Variants in KCNIP1 observed in about 807,000 individuals in gnomAD.
The protein encoded by KCNIP1 is A-type potassium channel modulatory protein KCNIP1.
KCNIP1 carries 18 observed loss-of-function variants against 33.0 expected under a neutral mutation model. The ratio of observed to expected loss-of-function variants is 0.55; its 90% CI spans 0.38 to 0.81. The LOEUF is 0.81. Among genes scored for constraint, KCNIP1 ranks in the 30% least tolerant of loss-of-function variants. The pLI, the probability that KCNIP1 is intolerant of heterozygous loss-of-function variation, is 0.00. For missense variants in KCNIP1, 238 were observed against 271.6 expected, an observed-to-expected ratio of 0.88 and a Z score of 0.87; for synonymous variants, 93 against 98.3, an observed-to-expected ratio of 0.95 and a Z score of 0.32.
intron 1 of KCNIP1, among the ~76,000 whole-genome samples, chr5:170,626,005 A>G (rs1759806424): frequency 6.6e-6 from 1 of 152,164 alleles, no homozygotes; most frequent in South Asian, 2.1e-4. Context: ...CCCAAAGTAT[A>G]CTGAGCGATG....
At chr5:170,442,409 C>A (rs1424880029) in intron 1 of KCNIP1, among the ~76,000 whole-genome samples, 1 of 152,224 alleles carries the variant, frequency 6.6e-6, no homozygotes, top group East Asian at 1.9e-4. Context: ...CTGTCCTATT[C>A]TGAGCTTCAG....
At chr5:170,514,475 A>C (rs1286581784) in intron 1 of KCNIP1, among the ~76,000 whole-genome samples, 2 of 151,882 alleles carry the variant, frequency 1.3e-5, no homozygotes, top group Non-Finnish European at 2.9e-5. Context: ...GCTGATTAGG[A>C]CTCTAAGCCC....
chr5:170,557,515 T>C (rs1227153131), intron 1 of KCNIP1, among the ~76,000 whole-genome samples: 1 of 152,114 alleles, frequency 6.6e-6, no homozygotes, highest in Non-Finnish European at 1.5e-5. Context: ...CCAAGCTCTG[T>C]GCTTGGGGTC....
intron 1 of KCNIP1, among the ~76,000 whole-genome samples, chr5:170,448,380 C>G (rs545536932): frequency 2.6e-5 from 4 of 152,248 alleles, no homozygotes; most frequent in Non-Finnish European, 5.9e-5. Context: ...TGTCCTCTTA[C>G]GCCCACATCC....
chr5:170,600,294 C>T (rs1181244222), intron 1 of KCNIP1, among the ~76,000 whole-genome samples: 2 of 152,218 alleles, frequency 1.3e-5, no homozygotes, highest in Non-Finnish European at 2.9e-5. Flanking sequence ...TGGCCAATGC[C>T]ACACGGAATG....
intron 1 of KCNIP1, among the ~76,000 whole-genome samples, chr5:170,625,345 C>A (rs774273749): frequency 1.7e-4 from 26 of 152,162 alleles, no homozygotes; most frequent in Admixed American, 2.6e-4. Context: ...CCCAAGAATA[C>A]AAGAGCTCTG....
chr5:170,504,715 T>A lies in KCNIP1; in HGVS notation c.61+82T>A. 8.6e-7 allele frequency: 1 copy of A among 1,164,314 alleles called. No individual in the cohort carries two copies. The highest frequency in any genetic ancestry group is 1.3e-6 in the Non-Finnish European group (1 of 773,348). 72.1% of individuals were successfully genotyped at this position (1,164,314 alleles called of 1,614,324 possible). On this transcript the variant is annotated intron_variant, in intron 1 of 7. Transcript: ENST00000328939. This position sits in a 1 kb window ranked among gnomAD's most constrained non-coding sequence, Gnocchi z 6.0. ...AGGTGGGCTGTGCCACCTGCCTCCC[T>A]TAGTCCGGACTCTCCTCTCCACGAG...
chr5:170,566,119 C>G (rs1399056695), intron 1 of KCNIP1, among the ~76,000 whole-genome samples: 6 of 152,026 alleles, frequency 3.9e-5, no homozygotes, highest in Non-Finnish European at 4.4e-5. Context: ...ACCTCTGCCT[C>G]CCGGGTTCAA....
chr5:170,558,931 C>T (rs1231894796), intron 1 of KCNIP1, among the ~76,000 whole-genome samples: 1 of 152,198 alleles, frequency 6.6e-6, no homozygotes, highest in African/African-American at 2.4e-5. Flanking sequence ...CCTATCACCT[C>T]CCAGGGCCTC....
intron 1 of KCNIP1, among the ~76,000 whole-genome samples, chr5:170,633,724 A>G (rs1422302712): frequency 0.068 from 211 of 3,092 alleles, 8 homozygotes; most frequent in Admixed American, 0.26. Flanking sequence ...GGGGGGGCGG[A>G]GGGGGGGACG....
chr5:170,630,482 G>T (rs1211046484), intron 1 of KCNIP1, among the ~76,000 whole-genome samples: 3 of 152,214 alleles, frequency 2.0e-5, no homozygotes, highest in Admixed American at 1.3e-4. Flanking sequence ...TGAGTAGGGG[G>T]TCGAGTGTGT....
At chr5:170,378,736 G>A in intron 1 of KCNIP1, 1 of 1,613,978 alleles carries the variant, frequency 6.2e-7, no homozygotes, top group East Asian at 2.2e-5. Context: ...GACAGGTACT[G>A]GTTGCTCTTC....
At chr5:170,446,052 G>A (rs1216076429) in intron 1 of KCNIP1, among the ~76,000 whole-genome samples, 1 of 152,174 alleles carries the variant, frequency 6.6e-6, no homozygotes, top group Non-Finnish European at 1.5e-5. Flanking sequence ...AATGCATGGA[G>A]CAGCTCCTGT....
At chr5:170,433,371 G>C (rs1426954023) in intron 1 of KCNIP1, among the ~76,000 whole-genome samples, 1 of 152,092 alleles carries the variant, frequency 6.6e-6, no homozygotes, top group Non-Finnish European at 1.5e-5. Context: ...ATTTTTAGTA[G>C]AGATGGGATT....
chr5:170,510,031 G>T (rs904306644), intron 1 of KCNIP1, among the ~76,000 whole-genome samples: 3 of 152,124 alleles, frequency 2.0e-5, no homozygotes, highest in African/African-American at 4.8e-5. Context: ...CTTCAGCATT[G>T]CTTCCCTGCC....
intron 1 of KCNIP1, among the ~76,000 whole-genome samples, chr5:170,392,335 C>A (rs187626358): frequency 6.6e-6 from 1 of 152,100 alleles, no homozygotes; most frequent in Non-Finnish European, 1.5e-5. Context: ...ACAAAATCCA[C>A]GAGAAGAAAA....
In KCNIP1 at chr5:170,353,632, T is replaced by G. The variant is rs535353578; in HGVS notation, c.-245T>G. The G allele has an allele frequency of 1.2e-4, 68 of 566,858 alleles. No homozygotes were observed. In the East Asian group the frequency reaches 1.9e-3, roughly 16 times the overall value. 35.1% of individuals were successfully genotyped at this position (566,858 alleles called of 1,614,324 possible). On this transcript the variant is annotated 5_prime_UTR_variant, in exon 1 of 8. Transcript: ENST00000377360. Reference sequence around the variant, plus strand: ...CTGGCATCCTGAGGTCCTCCCGTGGTGAGGACTTAAGTGGACAGCAGGAGT... The same window carrying G: ...CTGGCATCCTGAGGTCCTCCCGTGGGGAGGACTTAAGTGGACAGCAGGAGT...
At chr5:170,543,574 TTTTG>T (rs1234866340) in intron 1 of KCNIP1, among the ~76,000 whole-genome samples, 2 of 152,202 alleles carry the variant, frequency 1.3e-5, no homozygotes, top group African/African-American at 4.8e-5. Context: ...ACAGTTTTGA[TTTTG>T]TTTGACTTTC....
In KCNIP1 at chr5:170,678,793, G is replaced by C. The variant is rs1446636203; in HGVS notation, c.62-39965G>C. The C allele has an allele frequency of 5.9e-5, 9 of 152,352 alleles. No homozygotes were observed. In the East Asian group the frequency reaches 1.7e-3, roughly 29 times the overall value. 9.4% of individuals were successfully genotyped at this position (152,352 alleles called of 1,614,324 possible). A position where few individuals can be genotyped will look rare whatever the true frequency, so the allele number is the denominator to read the frequency against. ...GCAAAAAGGGAGAATACACGGGAGG[G>C]AAGATCAGCAACAGCATGAGTTTTA... is the stretch of plus-strand genomic sequence containing the variant. On this transcript the variant is annotated intron_variant, in intron 1 of 7. Transcript: ENST00000328939.
Sources: allele counts gnomAD v4.1 joint callset (sites outside exome capture counted in the v4.1 genomes callset), GRCh38; gene constraint gnomAD v4.1.1; non-coding constraint Gnocchi (gnomAD v3.1); transcripts MANE v1.5; gene names NCBI Gene and HGNC (gene_info 2026-07-23, HGNC 2026-07-21).